The following NCOR2 variants were observed in gnomAD, a reference collection of about 807,000 sequenced individuals.
The protein encoded by NCOR2 is nuclear receptor corepressor 2.
NCOR2 carries 81 observed loss-of-function variants against 262.9 expected under a neutral mutation model. The observed-to-expected ratio is 0.31, with a 90% CI of 0.26 to 0.37. The LOEUF (loss-of-function observed/expected upper bound fraction) is 0.37. Among genes scored for constraint, NCOR2 ranks in the 10% least tolerant of loss-of-function variants. NCOR2 has a pLI of 1.00. For missense variants in NCOR2, 3,385 were observed against 3,621.4 expected, an observed-to-expected ratio of 0.93 and a Z score of 1.68; for synonymous variants, 1,659 against 1,559.3, an observed-to-expected ratio of 1.06 and a Z score of -1.51.
Position 124,503,090 on chromosome 12 carries a change from G to T in NCOR2, c.-117-7722C>A, listed in dbSNP as rs1006054681. Among the ~76,000 whole-genome samples the T allele has an allele frequency of 2.0e-5, 3 of 152,214 alleles. No homozygotes were observed. Among genetic ancestry groups the T allele is most frequent in the African/African-American group, 7.2e-5 (3 of 41,458 alleles). The stretch of plus-strand genomic sequence containing the variant: ...CTCAATCCCGGGTGCCACCCACAAG[G>T]GTGCGGTCTGCCCTCCAGCTGAGAC... On this transcript the variant is annotated intron_variant, in intron 1 of 46. Coordinates refer to the NCOR2 transcript ENST00000404621. The surrounding 1 kb of genome is among the most constrained non-coding windows in gnomAD (Gnocchi z 4.3).
chr12:124,452,927 C>G (rs941155704), intron 6 of NCOR2, among the ~76,000 whole-genome samples: 6 of 152,176 alleles, frequency 3.9e-5, no homozygotes, highest in Non-Finnish European at 8.8e-5. Flanking sequence ...GAACTGCCCC[C>G]CTGGGAGGCA....
chr12:124,520,007 G>A (rs1264314897), intron 1 of NCOR2, among the ~76,000 whole-genome samples: 1 of 152,256 alleles, frequency 6.6e-6, no homozygotes, highest in African/African-American at 2.4e-5. Flanking sequence ...TCAGGACTAA[G>A]ACCAGATTTG....
rs753261260 is a variant in NCOR2, at chr12:124,340,086, C to A, written c.5607G>T (p.Gln1869His). 1.9e-6 allele frequency: 3 copies of A among 1,612,886 alleles called. No individual in the cohort carries two copies. In the Admixed American group the frequency reaches 5.0e-5, roughly 27 times the overall value. ...TGTTGTGAAGCACACTGGGTCTCTG[C>A]TGGAGGGCATCCTGGGTCCGAGGGG... is the stretch of plus-strand genomic sequence containing the variant. Residue 1869 changes from glutamine to histidine, a missense_variant, in exon 37 of 47, where the codon CAG becomes CAT. Physicochemically the swap from Gln to His is conservative, Grantham distance 24. Transcript: ENST00000405201.
intron 6 of NCOR2, among the ~76,000 whole-genome samples, chr12:124,455,824 G>A (rs1361998410): frequency 5.3e-5 from 8 of 152,230 alleles, no homozygotes; most frequent in Non-Finnish European, 8.8e-5. Context: ...AGGCCACTTG[G>A]CAAACATGCA....
chr12:124,381,763 G>T (rs1349836730), intron 17 of NCOR2, among the ~76,000 whole-genome samples: 3 of 152,238 alleles, frequency 2.0e-5, no homozygotes, highest in Admixed American at 6.5e-5. Context: ...AGGCGGGGCT[G>T]GGCCAAGGCT....
At chr12:124,524,821 T>A (rs1429241626) in intron 1 of NCOR2, among the ~76,000 whole-genome samples, 2 of 152,166 alleles carry the variant, frequency 1.3e-5, no homozygotes, top group Non-Finnish European at 2.9e-5. Context: ...AACCTCGTCC[T>A]CACAACCCTC....
At chr12:124,506,140 T>C (rs757808800) in intron 1 of NCOR2, among the ~76,000 whole-genome samples, 11 of 152,032 alleles carry the variant, frequency 7.2e-5, no homozygotes, top group Non-Finnish European at 1.6e-4. Context: ...ATTTATCTCA[T>C]GCTAACACCA....
At chr12:124,346,500 A>G in intron 31 of NCOR2, 64 bp downstream of exon 33, 1 of 1,416,692 alleles carries the variant, frequency 7.1e-7, no homozygotes, top group South Asian at 1.5e-5. Context: ...GGCCCAGGGC[A>G]GTGCCCCACA....
chr12:124,480,224 A>T (rs1398544790), intron 3 of NCOR2, among the ~76,000 whole-genome samples: 1 of 152,116 alleles, frequency 6.6e-6, no homozygotes, highest in African/African-American at 2.4e-5. Flanking sequence ...CTGCAGGAGG[A>T]GGATGGCCTT....
At chr12:124,330,977 C>T (rs1442029844) in intron 43 of NCOR2, 79 bp from the exon 46 acceptor site, 42 of 1,468,112 alleles carry the variant, frequency 2.9e-5, no homozygotes, top group South Asian at 1.4e-4. Flanking sequence ...GTGGTCCAGG[C>T]CAGGTGTGCT....
chr12:124,463,530 G>A (rs1264619149), intron 5 of NCOR2, among the ~76,000 whole-genome samples: 2 of 152,230 alleles, frequency 1.3e-5, no homozygotes, highest in East Asian at 1.9e-4. Context: ...CTCGCTCAGC[G>A]GGTGCCTCAC....
rs1349018886 is a variant in NCOR2, at chr12:124,433,881, C to CAAAA, written c.883-3095_883-3094insTTTT. Among the ~76,000 whole-genome samples the CAAAA allele has an allele frequency of 1.6e-3, 109 of 68,386 alleles. 2 individuals carry two copies. The highest frequency in any genetic ancestry group is 4.4e-3 in the African/African-American group (104 of 23,814). The allele number at this position is 68,386 out of a possible 152,430, so 44.9% of individuals were successfully genotyped here. A position where few individuals can be genotyped will look rare whatever the true frequency, so the allele number is the denominator to read the frequency against. ...ACACACACACACACACACACACACA[C>CAAAA]ACACACACACACACACACGCACACA... On this transcript the variant is annotated intron_variant, in intron 8 of 46. Coordinates refer to ENST00000405201, the Ensembl canonical transcript of NCOR2.
At chr12:124,428,043 CA>C (rs2043661709) in intron 10 of NCOR2, among the ~76,000 whole-genome samples, 4 of 40,964 alleles carry the variant, frequency 9.8e-5, no homozygotes, top group Non-Finnish European at 2.6e-4. Flanking sequence ...CCCATGTGGC[CA>C]GTGTGTGTGT....
At chr12:124,551,137 G>A (rs1013336560) in intron 1 of NCOR2, among the ~76,000 whole-genome samples, 2 of 152,190 alleles carry the variant, frequency 1.3e-5, no homozygotes, top group Admixed American at 1.3e-4. Flanking sequence ...ACCCTAGAAG[G>A]TGAGGACTGC....
At chr12:124,542,267 C>A (rs142758873) in intron 1 of NCOR2, among the ~76,000 whole-genome samples, 105 of 152,052 alleles carry the variant, frequency 6.9e-4, no homozygotes, top group African/African-American at 2.2e-3. Flanking sequence ...CTCCAGGACC[C>A]ATGATTACTC....
At chr12:124,326,454 A>C in intron 45 of NCOR2, 84 bp from the exon 48 acceptor site, 5 of 1,291,918 alleles carry the variant, frequency 3.9e-6, no homozygotes, top group Non-Finnish European at 5.0e-6. Context: ...GGGCAGGGTG[A>C]GGTCCTGCCA....
At chr12:124,324,638 G>A (rs949097069) in exon 47 of NCOR2, 10 of 152,490 alleles carry the variant, frequency 6.6e-5, no homozygotes, top group African/African-American at 2.4e-4. Flanking sequence ...ACGGTAAGCA[G>A]AGATCAAAAG....
chr12:124,558,354 T>TG (rs1217988199), intron 1 of NCOR2, among the ~76,000 whole-genome samples: 1 of 142,396 alleles, frequency 7.0e-6, no homozygotes, highest in African/African-American at 2.6e-5. Context: ...GGTGGGCAGA[T>TG]GGGGGGCGTG....
At chr12:124,390,367 T>G (rs1593336039) in intron 16 of NCOR2, among the ~76,000 whole-genome samples, 2 of 152,308 alleles carry the variant, frequency 1.3e-5, no homozygotes, top group South Asian at 4.1e-4. Flanking sequence ...TTGCACCAGC[T>G]GCTCCTGCTG....
Sources: gnomAD v4.1 joint callset for allele counts (sites outside exome capture counted in the v4.1 genomes callset) on GRCh38, gnomAD v4.1.1 for gene constraint, Gnocchi (gnomAD v3.1) non-coding constraint, MANE v1.5 for transcripts, NCBI Gene and HGNC (gene_info 2026-07-23, HGNC 2026-07-21) for gene names.